PRDM16: variants seen among roughly 807,000 people sequenced by gnomAD.
PRDM16 encodes the protein histone-lysine N-methyltransferase PRDM16.
A neutral mutation model predicts 110.6 loss-of-function variants in PRDM16; 23 were observed. The ratio of observed to expected loss-of-function variants is 0.21; its 90% CI spans 0.15 to 0.29. The LOEUF (loss-of-function observed/expected upper bound fraction) is 0.29, where lower values mean the gene tolerates loss of function less well. Among genes scored for constraint, PRDM16 ranks in the 10% least tolerant of loss-of-function variants. The pLI is 1.00. For synonymous variants in PRDM16, 799 were observed against 781.8 expected (o/e 1.02, Z -0.37); for missense variants, 1,615 against 1,794.3 (o/e 0.90, Z 1.81).
chr1:3,151,861 C>T (rs964097607), intron 1 of PRDM16, among the ~76,000 whole-genome samples: 1 of 152,222 alleles, frequency 6.6e-6, no homozygotes, highest in Non-Finnish European at 1.5e-5. Context: ...TGGCCTGTGC[C>T]CCCTGTCTCT....
intron 1 of PRDM16, among the ~76,000 whole-genome samples, chr1:3,096,350 G>A (rs917009239): frequency 2.0e-5 from 3 of 152,028 alleles, no homozygotes; most frequent in Non-Finnish European, 4.4e-5. Flanking sequence ...TCTCCTGCCC[G>A]CAGGACCCCC....
intron 3 of PRDM16, among the ~76,000 whole-genome samples, chr1:3,379,106 T>G (rs1643048392): frequency 1.8e-5 from 1 of 54,328 alleles, no homozygotes; most frequent in African/African-American, 7.6e-5. Context: ...CCCCTCCCGG[T>G]GCACCCCCCC....
chr1:3,404,449 TG>T (rs1285770511), intron 6 of PRDM16, among the ~76,000 whole-genome samples: 43 of 152,334 alleles, frequency 2.8e-4, no homozygotes, highest in Admixed American at 2.5e-3. Flanking sequence ...CCAGGGAGTG[TG>T]GGCCGGGGTC....
intron 2 of PRDM16, among the ~76,000 whole-genome samples, chr1:3,196,235 T>A (rs1262818186): frequency 6.6e-6 from 1 of 152,200 alleles, no homozygotes; most frequent in African/African-American, 2.4e-5. Flanking sequence ...GTCTCAACTC[T>A]GCGCCTTGCA....
rs1643684765 is a variant in PRDM16 at position 3,411,476 on chromosome 1, G to C, written c.1279G>C (p.Asp427His). The C allele has an allele frequency of 1.2e-6, 2 of 1,614,208 alleles. No homozygotes were observed. The highest frequency in any genetic ancestry group is 4.5e-5 in the East Asian group (2 of 44,878). The part of the protein sequence containing the change: ...ADCRTQIKCK[D>H]CGQMFSTTSS... Reference sequence around the variant, plus strand: ...CTGCCGCACGCAGATCAAGTGCAAGGACTGTGGCCAGATGTTCAGCACTAC... The same window carrying C: ...CTGCCGCACGCAGATCAAGTGCAAGCACTGTGGCCAGATGTTCAGCACTAC... Residue 427 changes from aspartate to histidine, a missense_variant, in exon 9 of 17, where the codon GAC becomes CAC. Physicochemically the swap from Asp to His is moderately conservative, Grantham distance 81. Transcript: ENST00000270722.
chr1:3,181,592 GGTCTTACACATGCA>G (rs1557509714), intron 1 of PRDM16, among the ~76,000 whole-genome samples: 2 of 66,868 alleles, frequency 3.0e-5, no homozygotes, highest in African/African-American at 1.4e-4. Context: ...TCTTACATAT[GGTCTTACACATGCA>G]GTCTTACACA....
intron 1 of PRDM16, among the ~76,000 whole-genome samples, chr1:3,159,018 C>T (rs1218130755): frequency 6.6e-6 from 1 of 152,240 alleles, no homozygotes; most frequent in Non-Finnish European, 1.5e-5. Flanking sequence ...GTGATCCACC[C>T]GCCTTGGCCT....
chr1:3,182,282 G>A (rs74753072), intron 1 of PRDM16, among the ~76,000 whole-genome samples: 7,838 of 152,326 alleles, frequency 0.051, 224 homozygotes, highest in Admixed American at 0.068. Context: ...CTCGGCGCTC[G>A]GGCTGCGGGG....
At chr1:3,167,149 G>A (rs974210348) in intron 1 of PRDM16, among the ~76,000 whole-genome samples, 10 of 152,174 alleles carry the variant, frequency 6.6e-5, no homozygotes, top group Non-Finnish European at 1.3e-4. Flanking sequence ...CGGGGAGCCT[G>A]AGAAAGCGAT....
intron 3 of PRDM16, among the ~76,000 whole-genome samples, chr1:3,273,615 CGTAA>C (rs902300838): frequency 1.3e-5 from 2 of 150,904 alleles, no homozygotes; most frequent in Admixed American, 6.6e-5. Context: ...TGTACGGGCA[CGTAA>C]GTGTGTGTGT....
intron 3 of PRDM16, among the ~76,000 whole-genome samples, chr1:3,266,830 C>G (rs1004831208): frequency 1.3e-5 from 2 of 152,168 alleles, no homozygotes; most frequent in Admixed American, 6.5e-5. Flanking sequence ...CAACCGCCCC[C>G]ACGCCCGGCT....
rs1336272072 is a variant in PRDM16, at chr1:3,225,573, T to TGTGTGCGCGCGC, written c.388-18513_388-18512insTGTGCGCGCGCG. Among the ~76,000 whole-genome samples the TGTGTGCGCGCGC allele has an allele frequency of 1.7e-3, 226 of 129,880 alleles. 2 individuals carry two copies. The highest frequency in any genetic ancestry group is 5.5e-3 in the African/African-American group (208 of 37,518). The allele number at this position is 129,880 out of a possible 152,430, so 85.2% of individuals were successfully genotyped here. A position where few individuals can be genotyped will look rare whatever the true frequency, so the allele number is the denominator to read the frequency against. The stretch of plus-strand genomic sequence containing the variant: ...GTGTGTGTGTGTGTGTGTGTGTGTG[T>TGTGTGCGCGCGC]GCGCGCGCGCAGAAGGAAGGAAACG... On this transcript the variant is annotated intron_variant, in intron 2 of 16. Transcript: ENST00000270722.
chr1:3,411,319 G>T, intron 8 of PRDM16, 65 bp from the exon 9 acceptor site: 1 of 1,521,696 alleles, frequency 6.6e-7, no homozygotes, highest in Non-Finnish European at 8.9e-7. Flanking sequence ...ATTTCATGTG[G>T]CGTTTTCAGC....
At chr1:3,286,230 A>G (rs1314239809) in intron 3 of PRDM16, among the ~76,000 whole-genome samples, 2 of 152,206 alleles carry the variant, frequency 1.3e-5, no homozygotes, top group Non-Finnish European at 2.9e-5. Flanking sequence ...TGATACAGAC[A>G]CCAGGAATAT....
intron 3 of PRDM16, among the ~76,000 whole-genome samples, chr1:3,263,680 G>C (rs1490211356): frequency 2.0e-5 from 3 of 152,242 alleles, no homozygotes; most frequent in Non-Finnish European, 4.4e-5. Context: ...GACCTGACTG[G>C]GCTCCTCCAG....
At chr1:3,298,897 G>T (rs553812440) in intron 3 of PRDM16, among the ~76,000 whole-genome samples, 1 of 152,180 alleles carries the variant, frequency 6.6e-6, no homozygotes, top group South Asian at 2.1e-4. Flanking sequence ...CCGTAGCTCC[G>T]ATGAGCCTGG....
chr1:3,230,080 G>A (rs1639373502), intron 2 of PRDM16, among the ~76,000 whole-genome samples: 1 of 152,208 alleles, frequency 6.6e-6, no homozygotes, highest in Non-Finnish European at 1.5e-5. Context: ...AGCTCTCTGG[G>A]ATCCCTGGAC....
intron 2 of PRDM16, among the ~76,000 whole-genome samples, chr1:3,223,249 G>A (rs1639216161): frequency 1.3e-5 from 2 of 151,640 alleles, no homozygotes; most frequent in African/African-American, 4.9e-5. Flanking sequence ...ACACACCCTG[G>A]GCCAGTTTTA....
In PRDM16 at chr1:3,310,792, CTGTGTG is replaced by C. The variant is rs537424717; in HGVS notation, c.438+66661_438+66666del. 5.1e-4 allele frequency among the ~76,000 whole-genome samples: 77 copies of C among 152,030 alleles called. 1 individual carries two copies. The South Asian group carries it at 9.1e-3, about 18-fold the overall frequency. On this transcript the variant is annotated intron_variant, in intron 3 of 16. Coordinates refer to ENST00000270722, the MANE Select transcript of PRDM16 (RefSeq NM_022114.4). ...TATGGGTGTGTATGTGCATGCATGT[CTGTGTG>C]TGTGTATGTGTATGTGCATGTGTGT...
Sources: allele counts gnomAD v4.1 joint callset (sites outside exome capture counted in the v4.1 genomes callset), GRCh38; gene constraint gnomAD v4.1.1; transcripts MANE v1.5; gene names NCBI Gene and HGNC (gene_info 2026-07-23, HGNC 2026-07-21).